ATE1: variants seen among roughly 807,000 people sequenced by gnomAD.
ATE1 encodes arginyltransferase 1, also known as arginyl-tRNA--protein transferase 1.
ATE1 carries 36 observed loss-of-function variants against 70.5 expected under a neutral mutation model. The ratio of observed to expected loss-of-function variants is 0.51; its 90% CI spans 0.39 to 0.67. The LOEUF is 0.67. Among genes scored for constraint, ATE1 ranks in the 30% least tolerant of loss-of-function variants. ATE1 has a pLI of 0.00. For missense variants in ATE1, 593 were observed against 629.5 expected, an observed-to-expected ratio of 0.94 and a Z score of 0.62; for synonymous variants, 232 against 219.3, an observed-to-expected ratio of 1.06 and a Z score of -0.51.
intron 11 of ATE1, among the ~76,000 whole-genome samples, chr10:121,785,646 T>C (rs1298455120): frequency 6.6e-6 from 1 of 152,168 alleles, no homozygotes; most frequent in African/African-American, 2.4e-5. Context: ...CAATATAGAT[T>C]AGAACCTCAG....
rs766172842 is a variant in ATE1, at chr10:121,927,957, G to C, written c.-8C>G. ...CCCCGCCCAGAAAGCCATGGCCTCG[G>C]CCCCGCGAACGCTCAGCCGCCCGGC... On this transcript the variant is annotated 5_prime_UTR_variant, in exon 1 of 12. Transcript: ENST00000224652. The C allele has an allele frequency of 6.5e-7, 1 of 1,530,214 alleles. No individual in the cohort carries two copies. The highest frequency in any genetic ancestry group is 8.8e-7 in the Non-Finnish European group (1 of 1,140,196). 94.8% of individuals were successfully genotyped at this position (1,530,214 alleles called of 1,614,324 possible).
At chr10:121,906,483 C>A (rs752141254) in intron 5 of ATE1, among the ~76,000 whole-genome samples, 1 of 151,680 alleles carries the variant, frequency 6.6e-6, no homozygotes, top group Non-Finnish European at 1.5e-5. Flanking sequence ...GAGTCCTGAT[C>A]GTGTCACTAC....
rs186287644 is a variant in ATE1, at chr10:121,744,569, T to A, written c.1379-711A>T. On this transcript the variant is annotated intron_variant, in intron 11 of 11. Transcript: ENST00000224652. The stretch of plus-strand genomic sequence containing the variant: ...CAACATATTATCTGAAGTTTTAATC[T>A]CTGCACTGAAGCTTTTGGCTGACTC... Among the ~76,000 whole-genome samples, 5 of 152,330 alleles carry A rather than the reference T, an allele frequency of 3.3e-5. No individual in the cohort carries two copies. In the East Asian group the frequency reaches 9.7e-4, roughly 29 times the overall value.
rs116974923 is a variant in ATE1, at chr10:121,886,651, T to G, written c.942+13215A>C. 4.7e-3 allele frequency among the ~76,000 whole-genome samples: 717 copies of G among 152,354 alleles called. 2 individuals are homozygous for G. The highest frequency in any genetic ancestry group is 7.4e-3 in the Non-Finnish European group (501 of 68,030). Reference sequence around the variant, plus strand: ...TGTATAGCTCACATTTATTTCAATGTTTAATATTAGAAGTGCTTTGGTTTT... The same window carrying G: ...TGTATAGCTCACATTTATTTCAATGGTTAATATTAGAAGTGCTTTGGTTTT... On this transcript the variant is annotated intron_variant, in intron 7 of 11. Coordinates refer to ENST00000224652, the MANE Select transcript of ATE1 (RefSeq NM_001001976.3).
At chr10:121,895,735 C>T (rs11200233) in intron 7 of ATE1, among the ~76,000 whole-genome samples, 46,125 of 151,994 alleles carry the variant, frequency 0.3, 7,364 homozygotes, top group South Asian at 0.43. Flanking sequence ...ACCAGCCTGG[C>T]CAATGTGGCA....
intron 8 of ATE1, among the ~76,000 whole-genome samples, chr10:121,847,414 C>T (rs551900403): frequency 1.8e-4 from 27 of 152,040 alleles, no homozygotes; most frequent in African/African-American, 5.1e-4. Context: ...CGCCACTGCA[C>T]TCCAGCCTGG....
intron 8 of ATE1, among the ~76,000 whole-genome samples, chr10:121,850,306 G>A (rs1217749383): frequency 6.6e-6 from 1 of 151,910 alleles, no homozygotes; most frequent in South Asian, 2.1e-4. Context: ...CCACTGGAGG[G>A]GTATCCTCCA....
Position 121,823,761 on chromosome 10 carries a change from A to G in ATE1, c.1257+12957T>C, listed in dbSNP as rs1017880074. 2.6e-5 allele frequency among the ~76,000 whole-genome samples: 4 copies of G among 152,212 alleles called. No homozygotes were observed. The South Asian group carries it at 8.3e-4, about 32-fold the overall frequency. ...ATTAGACAAAGGATCAGAAAAATAT[A>G]CACGATTAAATGTACTTGAATTCCC... On this transcript the variant is annotated intron_variant, in intron 10 of 11. Coordinates refer to ENST00000224652, the MANE Select transcript of ATE1 (RefSeq NM_001001976.3).
intron 8 of ATE1, among the ~76,000 whole-genome samples, chr10:121,847,255 T>A (rs1948862000): frequency 6.6e-6 from 1 of 152,090 alleles, no homozygotes; most frequent in Admixed American, 6.6e-5. Context: ...AAGACCAGCC[T>A]GGCCAACATA....
chr10:121,767,784 C>T (rs546952173), intron 11 of ATE1, among the ~76,000 whole-genome samples: 3 of 152,216 alleles, frequency 2.0e-5, no homozygotes, highest in South Asian at 4.1e-4. Context: ...TTGTGCACTA[C>T]TGGTGGGAAT....
At position 121,757,459 on chromosome 10, in the gene ATE1, G is replaced by C. The variant is rs375260328; in HGVS notation, c.1379-13601C>G. Reference sequence around the variant, plus strand: ...ACCCCACTCCTGGTACCAATTTACTGTATTAGTCCATTTTCAGGCTGCTGA... The same window carrying C: ...ACCCCACTCCTGGTACCAATTTACTCTATTAGTCCATTTTCAGGCTGCTGA... On this transcript the variant is annotated intron_variant, in intron 11 of 11. Coordinates refer to ENST00000224652, the MANE Select transcript of ATE1 (RefSeq NM_001001976.3). Among the ~76,000 whole-genome samples, 4 of 152,122 alleles carry C rather than the reference G, an allele frequency of 2.6e-5. No individual in the cohort carries two copies. In the East Asian group the frequency reaches 5.8e-4, roughly 22 times the overall value.
intron 11 of ATE1, among the ~76,000 whole-genome samples, chr10:121,785,274 T>A (rs1217847917): frequency 6.6e-6 from 1 of 152,166 alleles, no homozygotes; most frequent in Admixed American, 6.5e-5. Flanking sequence ...CTATTATTAG[T>A]CATGAGTTAT....
rs1944177669 is a variant in ATE1 at position 121,742,403 on chromosome 10, C to CAA, written c.*1275_*1276dup. 1 of 147,270 alleles carries CAA rather than the reference C, an allele frequency of 6.8e-6. No individual in the cohort carries two copies. Among genetic ancestry groups the CAA allele is most frequent in the Admixed American group, 6.7e-5 (1 of 14,820 alleles). 9.1% of individuals were successfully genotyped at this position (147,270 alleles called of 1,614,324 possible). On this transcript the variant is annotated 3_prime_UTR_variant, in exon 12 of 12. Transcript: ENST00000224652. ...CGATGAACCAAAACAGAAAAATGGGCAAAGTGGGGACTAAAAACGGCTTGC... is the reference window on the plus strand; with the variant it reads ...CGATGAACCAAAACAGAAAAATGGGCAAAAAGTGGGGACTAAAAACGGCTTGC...
intron 1 of ATE1, chr10:121,927,372 G>C (rs988142283): frequency 1.5e-5 from 15 of 984,548 alleles, no homozygotes; most frequent in African/African-American, 3.5e-5. Context: ...AGATGCAAAG[G>C]GCTCATCCTT....
At chr10:121,901,633 T>A (rs1051080069) in intron 6 of ATE1, among the ~76,000 whole-genome samples, 2 of 151,972 alleles carry the variant, frequency 1.3e-5, no homozygotes, top group Admixed American at 6.6e-5. Flanking sequence ...ATTTTTATAT[T>A]TTAGTAGAGA....
chr10:121,762,597 G>A (rs1251608413), intron 11 of ATE1, among the ~76,000 whole-genome samples: 3 of 152,110 alleles, frequency 2.0e-5, no homozygotes, highest in African/African-American at 7.2e-5. Context: ...CATATTTGGT[G>A]AACTGGTGGG....
intron 7 of ATE1, 31 bp downstream of exon 7, chr10:121,899,835 T>G: frequency 6.2e-7 from 1 of 1,601,058 alleles, no homozygotes; most frequent in Non-Finnish European, 8.5e-7. Flanking sequence ...AAGCTCTGTT[T>G]GCACAGGAAA....
At chr10:121,805,743 C>T (rs918442310) in intron 10 of ATE1, among the ~76,000 whole-genome samples, 5 of 152,112 alleles carry the variant, frequency 3.3e-5, no homozygotes, top group African/African-American at 7.2e-5. Context: ...AAATCCTTAA[C>T]GTTTGCAAGA....
intron 10 of ATE1, among the ~76,000 whole-genome samples, chr10:121,833,207 C>T (rs1281872911): frequency 6.6e-6 from 1 of 151,936 alleles, no homozygotes; most frequent in East Asian, 1.9e-4. Context: ...AGTCACAATA[C>T]CTATCACATT....
Sources: allele counts gnomAD v4.1 joint callset (sites outside exome capture counted in the v4.1 genomes callset), GRCh38; gene constraint gnomAD v4.1.1; transcripts MANE v1.5; gene names NCBI Gene and HGNC (gene_info 2026-07-23, HGNC 2026-07-21).